The following ASXL3 variants were observed in gnomAD, a reference collection of about 807,000 sequenced individuals.
ASXL3 encodes ASXL transcriptional regulator 3, also known as putative Polycomb group protein ASXL3.
In ASXL3, 34 loss-of-function variants were observed where a neutral mutation model predicts 170.6. That is an observed-to-expected ratio of 0.20 (90% confidence interval 0.15 to 0.27). The LOEUF is 0.27. Among genes scored for constraint, ASXL3 ranks in the 10% least tolerant of loss-of-function variants. The pLI is 1.00. For synonymous variants in ASXL3, 1,002 were observed against 989.1 expected, an observed-to-expected ratio of 1.01 and a Z score of -0.24; for missense variants, 2,592 against 2,695.3, an observed-to-expected ratio of 0.96 and a Z score of 0.85.
chr18:33,704,634 A>G (rs2066928482), intron 8 of ASXL3, among the ~76,000 whole-genome samples: 1 of 152,092 alleles, frequency 6.6e-6, no homozygotes. Context: ...ACAGTATTTT[A>G]AAACACAAGC....
chr18:33,607,698 A>C (rs750085687), intron 2 of ASXL3, 22 bp downstream of exon 2: 1 of 1,526,244 alleles, frequency 6.6e-7, no homozygotes, highest in East Asian at 2.4e-5. Context: ...TATTTAAAAC[A>C]TTTTCTGTTT....
Position 33,713,232 on chromosome 18 carries a change from TTTTTTGTTTTGTTTTG to T in ASXL3, c.880-18730_880-18715del, listed in dbSNP as rs1365156761. 5.2e-3 allele frequency among the ~76,000 whole-genome samples: 384 copies of T among 74,300 alleles called. 77 individuals carry two copies. The highest frequency in any genetic ancestry group is 0.027 in the African/African-American group (336 of 12,646). The allele number at this position is 74,300 out of a possible 152,430, so 48.7% of individuals were successfully genotyped here. A position where few individuals can be genotyped will look rare whatever the true frequency, so the allele number is the denominator to read the frequency against. On this transcript the variant is annotated intron_variant, in intron 8 of 11. Transcript: ENST00000269197. ...GTTAGCAATCTACCACAAGAAGGTTTTTTTTGTTTTGTTTTGTTTTTTTTTTTTTTTTTTTTTTTTT... is the reference window on the plus strand; with the variant it reads ...GTTAGCAATCTACCACAAGAAGGTTTTTTTTTTTTTTTTTTTTTTTTTTTT...
At chr18:33,610,210 T>A (rs1417431073) in intron 2 of ASXL3, among the ~76,000 whole-genome samples, 1 of 152,076 alleles carries the variant, frequency 6.6e-6, no homozygotes, top group Non-Finnish European at 1.5e-5. Flanking sequence ...GTATGTATTT[T>A]TCTTAAGTAA....
intron 7 of ASXL3, among the ~76,000 whole-genome samples, chr18:33,672,152 C>T (rs1022641390): frequency 2.6e-5 from 4 of 152,080 alleles, no homozygotes; most frequent in Admixed American, 2.6e-4. Context: ...GGTCATGATA[C>T]TATCTAATGT....
At chr18:33,660,092 C>A (rs2066147827) in intron 4 of ASXL3, among the ~76,000 whole-genome samples, 1 of 152,098 alleles carries the variant, frequency 6.6e-6, no homozygotes, top group Non-Finnish European at 1.5e-5. Context: ...TGGAGCTAGA[C>A]TAGGCTGGCC....
intron 2 of ASXL3, among the ~76,000 whole-genome samples, chr18:33,640,011 G>GA (rs1170873214): frequency 1.3e-5 from 2 of 152,006 alleles, no homozygotes; most frequent in East Asian, 3.9e-4. Context: ...TCCTCACATA[G>GA]AAAATCACAA....
chr18:33,732,686 GTC>G (rs767096202), intron 9 of ASXL3, among the ~76,000 whole-genome samples: 16 of 151,940 alleles, frequency 1.1e-4, no homozygotes, highest in Non-Finnish European at 2.1e-4. Flanking sequence ...GAAACTCCAT[GTC>G]TACAAAAAAT....
rs1179218368 is a variant in ASXL3, at chr18:33,747,910, A to G, written c.*1315A>G. ...GTGTTGAGTATTTGAGCTACATTCC[A>G]TATATTTTGGCCACCCTCATACCAG... On this transcript the variant is annotated 3_prime_UTR_variant, in exon 12 of 12. Coordinates refer to ENST00000269197, the MANE Select transcript of ASXL3 (RefSeq NM_030632.3). The G allele has an allele frequency of 6.6e-6, 1 of 152,172 alleles. No individual in the cohort carries two copies. Among genetic ancestry groups the G allele is most frequent in the Non-Finnish European group, 1.5e-5 (1 of 68,042 alleles). The allele number at this position is 152,172 out of a possible 1,614,324, so 9.4% of individuals were successfully genotyped here.
At chr18:33,599,972 GA>G (rs1312196393) in intron 1 of ASXL3, among the ~76,000 whole-genome samples, 1 of 151,844 alleles carries the variant, frequency 6.6e-6, no homozygotes, top group Non-Finnish European at 1.5e-5. Context: ...ACTGCAGATA[GA>G]AAAAAATGAT....
chr18:33,582,840 G>T (rs1310165163), intron 1 of ASXL3, among the ~76,000 whole-genome samples: 5 of 151,962 alleles, frequency 3.3e-5, no homozygotes, highest in Non-Finnish European at 7.4e-5. Context: ...TTACGACACA[G>T]CAGGGTTACT....
chr18:33,588,548 C>T (rs1229503117), intron 1 of ASXL3, among the ~76,000 whole-genome samples: 1 of 152,048 alleles, frequency 6.6e-6, no homozygotes, highest in Non-Finnish European at 1.5e-5. Flanking sequence ...ACCACCATGA[C>T]TCCATGCTTA....
At position 33,738,292 on chromosome 18, in the gene ASXL3, G is replaced by C. The variant is rs1845386; in HGVS notation, c.1083-195G>C. Among the ~76,000 whole-genome samples the C allele has an allele frequency of 0.61, 92,461 of 151,996 alleles. 29,692 individuals are homozygous for C. Among genetic ancestry groups the C allele is most frequent in the East Asian group, 0.9 (4,665 of 5,174 alleles). Reference sequence around the variant, plus strand: ...TCTAGACTGTTCTTAACCAAAAGCAGAGTATTAGTTGAGATTATAAAAGCA... The same window carrying C: ...TCTAGACTGTTCTTAACCAAAAGCACAGTATTAGTTGAGATTATAAAAGCA... On this transcript the variant is annotated intron_variant, in intron 10 of 11. Transcript: ENST00000269197.
chr18:33,686,011 A>G (rs913844973), intron 8 of ASXL3, among the ~76,000 whole-genome samples: 2 of 152,250 alleles, frequency 1.3e-5, no homozygotes, highest in Non-Finnish European at 2.9e-5. Context: ...TTTGTAATGA[A>G]GAAATAACGG....
At position 33,743,930 on chromosome 18, in the gene ASXL3, C is replaced by T. The variant is rs747314900; in HGVS notation, c.4082C>T (p.Pro1361Leu). 2 of 1,613,988 alleles carry T rather than the reference C, an allele frequency of 1.2e-6. No homozygotes were observed. Among genetic ancestry groups the T allele is most frequent in the Admixed American group, 1.7e-5 (1 of 60,024 alleles). The stretch of plus-strand genomic sequence containing the variant: ...CTCTCCACTAGCTCTGTCTTGATTC[C>T]CCCAATGGGAATTAACAACAGATTT... ...PNLSTSSVLI[P>L]PMGINNRFPS... The change falls in exon 12 of 12, where the codon CCC becomes CTC. Residue 1361 changes from proline (P) to leucine (L), a missense_variant. Physicochemically the swap from Pro to Leu is moderately conservative, Grantham distance 98. Coordinates refer to ENST00000269197, the MANE Select transcript of ASXL3 (RefSeq NM_030632.3).
Position 33,744,959 on chromosome 18 carries a change from A to C in ASXL3, c.5111A>C (p.Gln1704Pro). ...PAAEGASSVQ[Q>P]TQNMKASTSS... ...GCAGAGGGAGCCTCTAGTGTACAAC[A>C]AACACAGAACATGAAAGCTTCCACC... The change falls in exon 12 of 12, where the codon CAA becomes CCA. Residue 1704 changes from glutamine to proline, a missense_variant. Gln to Pro is a moderately conservative substitution (Grantham distance 76, BLOSUM62 -1). Transcript: ENST00000269197. 1 of 1,613,996 alleles carries C rather than the reference A, an allele frequency of 6.2e-7. No homozygotes were observed. The highest frequency in any genetic ancestry group is 8.5e-7 in the Non-Finnish European group (1 of 1,179,894).
chr18:33,731,887 T>C, intron 8 of ASXL3, 81 bp from the exon 9 acceptor site: 3 of 1,078,922 alleles, frequency 2.8e-6, no homozygotes, highest in Non-Finnish European at 4.2e-6. Context: ...CCAACACCAC[T>C]CAATTTTTGC....
chr18:33,639,372 C>T (rs1007217790), intron 2 of ASXL3, among the ~76,000 whole-genome samples: 10 of 152,220 alleles, frequency 6.6e-5, no homozygotes, highest in African/African-American at 2.2e-4. Context: ...CAGTCTTCCT[C>T]GTTGTTCGCC....
intron 4 of ASXL3, among the ~76,000 whole-genome samples, chr18:33,661,269 T>C (rs914906636): frequency 4.6e-5 from 7 of 152,130 alleles, no homozygotes; most frequent in Non-Finnish European, 7.4e-5. Flanking sequence ...TAGAATACTA[T>C]GCATTGCCTA....
At chr18:33,686,370 C>G (rs1282652999) in intron 8 of ASXL3, among the ~76,000 whole-genome samples, 1 of 152,060 alleles carries the variant, frequency 6.6e-6, no homozygotes, top group Non-Finnish European at 1.5e-5. Flanking sequence ...AAGTGTTTTA[C>G]CAAGTTTAGT....
Sources: gnomAD v4.1 joint callset for allele counts (sites outside exome capture counted in the v4.1 genomes callset) on GRCh38, gnomAD v4.1.1 for gene constraint, MANE v1.5 for transcripts, NCBI Gene and HGNC (gene_info 2026-07-23, HGNC 2026-07-21) for gene names.